Variants in OSBP observed in about 807,000 individuals in gnomAD.
OSBP encodes oxysterol-binding protein 1.
A neutral mutation model predicts 96.6 loss-of-function variants in OSBP; 32 were observed. The ratio of observed to expected loss-of-function variants is 0.33; its 90% CI spans 0.25 to 0.45. OSBP has a LOEUF of 0.45. OSBP is among the 20% of genes least tolerant of loss of function. OSBP has a pLI of 1.00. For synonymous variants in OSBP, 369 were observed against 389.6 expected, an observed-to-expected ratio of 0.95 and a Z score of 0.62; for missense variants, 653 against 1,029.7, an observed-to-expected ratio of 0.63 and a Z score of 5.01.
intron 9 of OSBP, among the ~76,000 whole-genome samples, chr11:59,590,744 A>G (rs1328989288): frequency 1.3e-5 from 2 of 152,214 alleles, no homozygotes; most frequent in African/African-American, 2.4e-5. Context: ...TTCTTCAGCT[A>G]TATCTACTGG....
At chr11:59,607,478 A>G (rs1204111308) in intron 3 of OSBP, among the ~76,000 whole-genome samples, 1 of 152,204 alleles carries the variant, frequency 6.6e-6, no homozygotes, top group Non-Finnish European at 1.5e-5. Flanking sequence ...CCAACTATCT[A>G]TTAAGTAAGA....
At chr11:59,580,874 T>C (rs934182424) in intron 10 of OSBP, among the ~76,000 whole-genome samples, 6 of 152,208 alleles carry the variant, frequency 3.9e-5, no homozygotes, top group Non-Finnish European at 8.8e-5. Flanking sequence ...AGATTCAGCT[T>C]AACTCCCACA....
chr11:59,578,458 AATT>A, intron 11 of OSBP, 128 bp from the exon 12 acceptor site: 1 of 856,694 alleles, frequency 1.2e-6, no homozygotes, highest in African/African-American at 1.7e-5. Context: ...GAGTCATCCA[AATT>A]ATTATTAGAG....
chr11:59,610,616 A>C lies in OSBP; in HGVS notation c.363-27T>G, dbSNP rs1036429933. ...TGTAATAACAAGACAAAGACAATTT[A>C]AACAGAAAGTTGACGGTTTATCCTT... On this transcript the variant is annotated intron_variant, in intron 1 of 13. Coordinates refer to ENST00000263847, the MANE Select transcript of OSBP (RefSeq NM_002556.3). 5 of 1,564,312 alleles carry C rather than the reference A, an allele frequency of 3.2e-6. No individual in the cohort carries two copies. In the African/African-American group the frequency reaches 5.4e-5, roughly 17 times the overall value.
chr11:59,581,636 T>C (rs1052711273), intron 9 of OSBP, 82 bp from the exon 10 acceptor site: 2 of 637,986 alleles, frequency 3.1e-6, no homozygotes, highest in African/African-American at 1.8e-5. Context: ...AATGGATTAA[T>C]TTCCTTCTAT....
intron 1 of OSBP, among the ~76,000 whole-genome samples, chr11:59,612,718 T>C (rs1046739621): frequency 1.3e-5 from 2 of 152,152 alleles, no homozygotes; most frequent in Non-Finnish European, 2.9e-5. Flanking sequence ...GGCACTACAA[T>C]ATTAGGTGGT....
At chr11:59,609,719 GGAGAAAAT>G (rs1565121479) in intron 2 of OSBP, among the ~76,000 whole-genome samples, 6 of 152,086 alleles carry the variant, frequency 3.9e-5, no homozygotes, top group Non-Finnish European at 5.9e-5. Context: ...CAATATATCA[GGAGAAAAT>G]CGTACCATTT....
At chr11:59,594,311 T>G (rs1034988063) in intron 7 of OSBP, 56 bp from the exon 8 acceptor site, 6 of 1,559,864 alleles carry the variant, frequency 3.8e-6, no homozygotes, top group Middle Eastern at 1.7e-4. Flanking sequence ...AAGAGACAGT[T>G]TAATTTTTTT....
intron 9 of OSBP, among the ~76,000 whole-genome samples, chr11:59,586,942 A>C (rs1338682826): frequency 1.3e-5 from 2 of 152,204 alleles, no homozygotes; most frequent in East Asian, 3.8e-4. Flanking sequence ...ATAGGGCAAA[A>C]GCTTCACAAC....
At chr11:59,589,157 T>C (rs1371207224) in intron 9 of OSBP, among the ~76,000 whole-genome samples, 2 of 150,944 alleles carry the variant, frequency 1.3e-5, no homozygotes, top group Non-Finnish European at 3.0e-5. Context: ...CATTCTTTTT[T>C]TTTTTTTTTT....
chr11:59,613,062 A>G (rs988763022), intron 1 of OSBP, among the ~76,000 whole-genome samples: 1 of 152,246 alleles, frequency 6.6e-6, no homozygotes, highest in Admixed American at 6.5e-5. Context: ...AGCAGGAGGA[A>G]TGACAACTTG....
chr11:59,581,697 CT>C, intron 9 of OSBP, 143 bp from the exon 10 acceptor site: 1 of 525,060 alleles, frequency 1.9e-6, no homozygotes, highest in South Asian at 2.4e-5. Flanking sequence ...AGGACTTACA[CT>C]TTCTTAAATG....
chr11:59,602,469 T>C (rs965135956), intron 3 of OSBP, among the ~76,000 whole-genome samples: 1 of 152,190 alleles, frequency 6.6e-6, no homozygotes, highest in African/African-American at 2.4e-5. Context: ...AATATGATTA[T>C]ATCAAGTCCC....
chr11:59,615,494 G>A lies in OSBP; in HGVS notation c.171C>T (p.Gly57=). Residue 57 remains glycine (G), a synonymous_variant, in exon 1 of 14, where the codon GGC becomes GGT. Transcript: ENST00000263847. The part of the protein sequence containing the change: ...SGTVVAAAAG[G]PGPGAGGVAA... ...CCACTCCCCCGGCCCCCGGGCCCGG[G>A]CCTCCCGCCGCCGCCGCGACCACCG... 1 of 1,211,564 alleles carries A rather than the reference G, an allele frequency of 8.3e-7. No homozygotes were observed. Among genetic ancestry groups the A allele is most frequent in the Non-Finnish European group, 1.0e-6 (1 of 975,920 alleles). 75.1% of individuals were successfully genotyped at this position (1,211,564 alleles called of 1,614,324 possible). A position where few individuals can be genotyped will look rare whatever the true frequency, so the allele number is the denominator to read the frequency against.
In OSBP at chr11:59,594,220, G is replaced by C. The variant is rs577563154; in HGVS notation, c.1347C>G (p.Arg449=). Residue 449 remains arginine (R), a synonymous_variant, in exon 8 of 14, where the codon CGC becomes CGG. Transcript: ENST00000263847. ...CATGGTATTCCAGATCTTCAGTAAG[G>C]CGCTGAAGCATGGACAAGGGCTCAT... The part of the protein sequence containing the change: ...NFNEPLSMLQ[R]LTEDLEYHEL... The C allele has an allele frequency of 1.9e-6, 3 of 1,613,870 alleles. No individual in the cohort carries two copies. In the African/African-American group the frequency reaches 4.0e-5, roughly 22 times the overall value.
intron 9 of OSBP, among the ~76,000 whole-genome samples, chr11:59,584,016 G>T (rs1286236058): frequency 6.9e-6 from 1 of 145,662 alleles, no homozygotes; most frequent in Non-Finnish European, 1.5e-5. Flanking sequence ...TGCAATCGTA[G>T]TTCACTGCAA....
Position 59,578,177 on chromosome 11 carries a change from C to A in OSBP, c.2032G>T (p.Val678Phe), listed in dbSNP as rs139689203. 2.3e-5 allele frequency: 37 copies of A among 1,614,052 alleles called. No individual in the cohort carries two copies. The highest frequency in any genetic ancestry group is 3.1e-5 in the Non-Finnish European group (37 of 1,180,042). The change falls in exon 12 of 14, where the codon GTC becomes TTC. Residue 678 changes from valine to phenylalanine, a missense_variant. Physicochemically the swap from Val to Phe is conservative, Grantham distance 50 (BLOSUM62 -1). Around this residue, in one of 6 missense-constraint regions of OSBP, gnomAD observed 169 missense variants for 251.5 expected, o/e 0.67. Coordinates refer to ENST00000263847, the MANE Select transcript of OSBP (RefSeq NM_002556.3). ...QRGHEAEESR[V>F]MLWKRNPLPK... The stretch of plus-strand genomic sequence containing the variant: ...AAAGGATTCCTTTTCCACAGCATGA[C>A]CCTGCTTTCCTCTGCTTCATGGCCT...
chr11:59,602,737 T>C (rs1224837461), intron 3 of OSBP, among the ~76,000 whole-genome samples: 1 of 152,166 alleles, frequency 6.6e-6, no homozygotes, highest in African/African-American at 2.4e-5. Context: ...CCTCCTACCT[T>C]AGCCCCGCTG....
intron 3 of OSBP, among the ~76,000 whole-genome samples, chr11:59,606,887 G>A (rs1860786514): frequency 6.6e-6 from 1 of 152,144 alleles, no homozygotes; most frequent in Non-Finnish European, 1.5e-5. Context: ...TAGGAAAAGG[G>A]CACAGGCAGT....
Sources: allele counts gnomAD v4.1 joint callset (sites outside exome capture counted in the v4.1 genomes callset), GRCh38; gene constraint gnomAD v4.1.1; regional missense constraint gnomAD v4.1.1; transcripts MANE v1.5; gene names NCBI Gene and HGNC (gene_info 2026-07-23, HGNC 2026-07-21).